FAM171A1: variants seen among roughly 807,000 people sequenced by gnomAD.
FAM171A1 encodes the protein family with sequence similarity 171 member A1.
Under a neutral mutation model 74.9 loss-of-function variants are expected in FAM171A1, and 23 were observed. That is an observed-to-expected ratio of 0.31 (90% confidence interval 0.22 to 0.44). The LOEUF is 0.44. Among genes scored for constraint, FAM171A1 ranks in the 20% least tolerant of loss-of-function variants. The pLI is 1.00. For synonymous variants in FAM171A1, 527 were observed against 505.7 expected (o/e 1.04, Z -0.57); for missense variants, 1,162 against 1,159.2 (o/e 1.00, Z -0.03).
chr10:15,365,986 A>G (rs1373590662), intron 1 of FAM171A1, among the ~76,000 whole-genome samples: 1 of 152,092 alleles, frequency 6.6e-6, no homozygotes, highest in Non-Finnish European at 1.5e-5. Context: ...AATTTTGCCT[A>G]TTTACAAGTT....
Position 15,245,182 on chromosome 10 carries a change from C to G in FAM171A1, c.754+3457G>C, listed in dbSNP as rs1251603909. Reference sequence around the variant, plus strand: ...CTGGGTTTAAGTGATTCTCCTGCCTCAGCCTCTGGCGTAGCTGGGATTATA... The same window carrying G: ...CTGGGTTTAAGTGATTCTCCTGCCTGAGCCTCTGGCGTAGCTGGGATTATA... On this transcript the variant is annotated intron_variant, in intron 5 of 7. Coordinates refer to ENST00000378116, the MANE Select transcript of FAM171A1 (RefSeq NM_001010924.2). Among the ~76,000 whole-genome samples, 3 of 152,154 alleles carry G rather than the reference C, an allele frequency of 2.0e-5. No individual in the cohort carries two copies. The East Asian group carries it at 5.8e-4, about 29-fold the overall frequency.
intron 5 of FAM171A1, 99 bp from the exon 6 acceptor site, chr10:15,221,159 T>C (rs889322499): frequency 1.9e-6 from 2 of 1,035,674 alleles, no homozygotes; most frequent in African/African-American, 1.6e-5. Context: ...TTAAATGTCA[T>C]GTTTATGACC....
At chr10:15,220,598 C>T (rs193139756) in intron 6 of FAM171A1, among the ~76,000 whole-genome samples, 106 of 152,236 alleles carry the variant, frequency 7.0e-4, no homozygotes, top group Admixed American at 6.8e-3. Context: ...CTTTTCCCTA[C>T]ATGTGTGCCT....
chr10:15,227,146 CCTG>C (rs1834119384), intron 5 of FAM171A1, among the ~76,000 whole-genome samples: 1 of 152,032 alleles, frequency 6.6e-6, no homozygotes, highest in Non-Finnish European at 1.5e-5. Flanking sequence ...ATTACAGGCA[CCTG>C]CCACCACAAC....
intron 1 of FAM171A1, among the ~76,000 whole-genome samples, chr10:15,317,552 G>A (rs1475564871): frequency 5.3e-5 from 8 of 150,612 alleles, no homozygotes; most frequent in Admixed American, 2.6e-4. Flanking sequence ...GCGCCACCAC[G>A]CCTGGCTAAT....
chr10:15,296,750 T>C (rs1001871095), intron 1 of FAM171A1, among the ~76,000 whole-genome samples: 1 of 152,246 alleles, frequency 6.6e-6, no homozygotes, highest in Admixed American at 6.5e-5. Flanking sequence ...GGGTTCTTTT[T>C]TTGAAACATG....
intron 3 of FAM171A1, among the ~76,000 whole-genome samples, chr10:15,262,568 C>A (rs566698093): frequency 1.3e-5 from 2 of 152,176 alleles, no homozygotes; most frequent in South Asian, 4.1e-4. Context: ...CTGAGCTCAG[C>A]AAGAGGGATT....
chr10:15,214,045 T>C lies in FAM171A1; in HGVS notation c.1543A>G (p.Ile515Val). The change falls in exon 8 of 8, where the codon ATT becomes GTT. Residue 515 changes from isoleucine to valine, a missense_variant. By Grantham distance (29) the Ile-to-Val change is conservative. Coordinates refer to ENST00000378116, the MANE Select transcript of FAM171A1 (RefSeq NM_001010924.2). Reference protein sequence around the residue: ...GPASTGSKLTIQEHLYPAPSS... With the variant: ...GPASTGSKLTVQEHLYPAPSS... ...GGCGCGGGGTACAGATGTTCCTGAA[T>C]GGTGAGTTTGCTTCCCGTGGAGGCT... 6.2e-7 allele frequency: 1 copy of C among 1,614,194 alleles called. No homozygotes were observed. The highest frequency in any genetic ancestry group is 8.5e-7 in the Non-Finnish European group (1 of 1,180,024).
chr10:15,271,428 G>A (rs1464669096), intron 3 of FAM171A1, among the ~76,000 whole-genome samples: 4 of 152,152 alleles, frequency 2.6e-5, no homozygotes, highest in African/African-American at 9.7e-5. Flanking sequence ...TGAAAGCGAC[G>A]GGGAGAATGG....
At chr10:15,236,788 C>T (rs578164246) in intron 5 of FAM171A1, among the ~76,000 whole-genome samples, 4 of 152,336 alleles carry the variant, frequency 2.6e-5, no homozygotes, top group South Asian at 2.1e-4. Context: ...GTGTTAGATG[C>T]TGTCCTTAAA....
intron 1 of FAM171A1, among the ~76,000 whole-genome samples, chr10:15,359,143 G>A (rs150721839): frequency 1.2e-4 from 18 of 152,258 alleles, no homozygotes; most frequent in East Asian, 9.6e-4. Flanking sequence ...TTAGTTTTAC[G>A]TGTCCAGGTG....
intron 1 of FAM171A1, among the ~76,000 whole-genome samples, chr10:15,294,460 C>T (rs1208137787): frequency 1.3e-5 from 2 of 152,170 alleles, no homozygotes; most frequent in African/African-American, 4.8e-5. Flanking sequence ...ATTCAGCCAT[C>T]GCCTCTAGCA....
intron 1 of FAM171A1, among the ~76,000 whole-genome samples, chr10:15,328,771 T>A (rs1166427321): frequency 2.6e-5 from 4 of 152,148 alleles, no homozygotes; most frequent in Admixed American, 2.0e-4. Flanking sequence ...CTGGCAACCA[T>A]CCTTACCTCA....
rs565103004 is a variant in FAM171A1, at chr10:15,228,013, G to C, written c.755-6953C>G. 3.1e-3 allele frequency among the ~76,000 whole-genome samples: 471 copies of C among 152,234 alleles called. 2 individuals are homozygous for C. Among genetic ancestry groups the C allele is most frequent in the Non-Finnish European group, 2.9e-3 (196 of 68,012 alleles). ...TTTTATTTGCAAAGTATAAAGAAAA[G>C]TGAGTTCAAAGATTTAACAAATGGC... On this transcript the variant is annotated intron_variant, in intron 5 of 7. Coordinates refer to ENST00000378116, the MANE Select transcript of FAM171A1 (RefSeq NM_001010924.2).
At chr10:15,314,292 T>C (rs1029542350) in intron 1 of FAM171A1, among the ~76,000 whole-genome samples, 21 of 152,146 alleles carry the variant, frequency 1.4e-4, no homozygotes, top group African/African-American at 4.6e-4. Flanking sequence ...GAAATCTCCA[T>C]GTGGCATGTT....
At position 15,213,779 on chromosome 10, in the gene FAM171A1, G is replaced by A. The variant is rs1156306279; in HGVS notation, c.1809C>T (p.Val603=). 6.2e-7 allele frequency: 1 copy of A among 1,614,182 alleles called. No homozygotes were observed. Among genetic ancestry groups the A allele is most frequent in the Non-Finnish European group, 8.5e-7 (1 of 1,180,022 alleles). Residue 603 remains valine, a synonymous_variant, in exon 8 of 8, where the codon GTC becomes GTT. Transcript: ENST00000378116. This position sits in a 1 kb window ranked among gnomAD's most constrained non-coding sequence, Gnocchi z 6.8. The part of the protein sequence containing the change: ...DHSYVSQPLV[V]PADQQLEIER... ...CTATCTCAAGCTGCTGATCAGCCGG[G>A]ACGACGAGGGGCTGGCTGACATAGG...
chr10:15,274,777 A>C (rs1260257779), intron 3 of FAM171A1, among the ~76,000 whole-genome samples: 1 of 152,208 alleles, frequency 6.6e-6, no homozygotes, highest in Non-Finnish European at 1.5e-5. Context: ...CAAAAACAAG[A>C]AATGGGGAAA....
intron 1 of FAM171A1, among the ~76,000 whole-genome samples, chr10:15,369,486 T>C (rs1209682469): frequency 6.6e-6 from 1 of 152,138 alleles, no homozygotes; most frequent in African/African-American, 2.4e-5. Context: ...TATAGGTCTT[T>C]TTGTATTTTG....
At chr10:15,302,697 T>A (rs537309448) in intron 1 of FAM171A1, among the ~76,000 whole-genome samples, 1 of 152,296 alleles carries the variant, frequency 6.6e-6, no homozygotes, top group South Asian at 2.1e-4. Flanking sequence ...ATTTAGGTCA[T>A]CACAAGCAGT....
Sources: gnomAD v4.1 joint callset for allele counts (sites outside exome capture counted in the v4.1 genomes callset) on GRCh38, gnomAD v4.1.1 for gene constraint, Gnocchi (gnomAD v3.1) non-coding constraint, MANE v1.5 for transcripts, NCBI Gene and HGNC (gene_info 2026-07-23, HGNC 2026-07-21) for gene names.